The following PALS1 variants were observed in gnomAD, a reference collection of about 807,000 sequenced individuals.
The protein encoded by PALS1 is protein PALS1.
Under a neutral mutation model 78.9 loss-of-function variants are expected in PALS1, and 31 were observed. That is an observed-to-expected ratio of 0.39 (90% confidence interval 0.30 to 0.53). The LOEUF (loss-of-function observed/expected upper bound fraction) is 0.53, where lower values mean the gene tolerates loss of function less well. PALS1 is among the 20% of genes least tolerant of loss of function. The probability of loss-of-function intolerance (pLI) is 0.67; values close to 1 mark genes in which losing one functional copy is unlikely to be tolerated. For missense variants in PALS1, 704 were observed against 826.5 expected (o/e 0.85, Z 1.82); for synonymous variants, 276 against 270.9 (o/e 1.02, Z -0.18).
At chr14:67,309,103 C>G (rs1042008898) in intron 8 of PALS1, among the ~76,000 whole-genome samples, 2 of 152,060 alleles carry the variant, frequency 1.3e-5, no homozygotes, top group African/African-American at 4.8e-5. Context: ...TGTTCAGAAG[C>G]CAAATACTGT....
chr14:67,323,163 C>T (rs1287221102), intron 13 of PALS1, among the ~76,000 whole-genome samples: 1 of 150,024 alleles, frequency 6.7e-6, no homozygotes, highest in Admixed American at 6.7e-5. Context: ...CATAAAAGAG[C>T]AAGCTAAAAT....
intron 2 of PALS1, among the ~76,000 whole-genome samples, chr14:67,275,003 C>T (rs2084477135): frequency 6.6e-6 from 1 of 152,202 alleles, no homozygotes; most frequent in Non-Finnish European, 1.5e-5. Context: ...AGTTGCTTAT[C>T]AGCTTGAGAT....
At chr14:67,275,255 T>A (rs1260860596) in intron 2 of PALS1, among the ~76,000 whole-genome samples, 1 of 152,150 alleles carries the variant, frequency 6.6e-6, no homozygotes, top group Non-Finnish European at 1.5e-5. Flanking sequence ...TGGCTGTGGG[T>A]TTGTCATAAA....
At chr14:67,332,593 GT>G (rs2141070962) in intron 14 of PALS1, among the ~76,000 whole-genome samples, 186 bp from the exon 15 acceptor site, 1 of 152,298 alleles carries the variant, frequency 6.6e-6, no homozygotes, top group South Asian at 2.1e-4. Flanking sequence ...CATAATATGA[GT>G]CGTGAAGATG....
intron 2 of PALS1, among the ~76,000 whole-genome samples, chr14:67,274,733 A>G (rs2084470295): frequency 6.6e-6 from 1 of 152,112 alleles, no homozygotes; most frequent in East Asian, 1.9e-4. Flanking sequence ...TTTTCACGAT[A>G]TTGATTCTTC....
rs916187588 is a variant in PALS1, at chr14:67,312,511, C to T, written c.1042-16C>T. On this transcript the variant is annotated splice_polypyrimidine_tract_variant and intron_variant, in intron 8 of 14. Coordinates refer to ENST00000261681, the MANE Select transcript of PALS1 (RefSeq NM_022474.4). ...TATTGCCATTTATTGTTGTTTTTGCCCTTTTTATCTTTTAGATCCATGTAA... is the reference window on the plus strand; with the variant it reads ...TATTGCCATTTATTGTTGTTTTTGCTCTTTTTATCTTTTAGATCCATGTAA... 3.4e-6 allele frequency: 5 copies of T among 1,492,058 alleles called. No individual in the cohort carries two copies. Among genetic ancestry groups the T allele is most frequent in the South Asian group, 3.0e-5 (2 of 67,266 alleles). The allele number at this position is 1,492,058 out of a possible 1,614,324, so 92.4% of individuals were successfully genotyped here. A position where few individuals can be genotyped will look rare whatever the true frequency, so the allele number is the denominator to read the frequency against.
chr14:67,280,609 A>G (rs918628432), intron 3 of PALS1, among the ~76,000 whole-genome samples: 1 of 152,182 alleles, frequency 6.6e-6, no homozygotes, highest in African/African-American at 2.4e-5. Context: ...AATTTGCCAG[A>G]TCAGGTGTTG....
intron 11 of PALS1, among the ~76,000 whole-genome samples, chr14:67,319,746 T>C (rs1193066848): frequency 6.6e-6 from 1 of 152,214 alleles, no homozygotes; most frequent in African/African-American, 2.4e-5. Context: ...GCTTGAACTA[T>C]AGGAAAGTAT....
intron 9 of PALS1, among the ~76,000 whole-genome samples, chr14:67,314,060 T>C (rs761535837): frequency 4.6e-5 from 7 of 152,180 alleles, no homozygotes; most frequent in Admixed American, 1.3e-4. Context: ...TCTGGCCTTA[T>C]CTTTTATCTA....
chr14:67,243,344 C>T (rs1226057987), intron 1 of PALS1, among the ~76,000 whole-genome samples: 1 of 151,898 alleles, frequency 6.6e-6, no homozygotes, highest in East Asian at 1.9e-4. Flanking sequence ...CTCGCCACCA[C>T]ACCTGGCTAA....
intron 3 of PALS1, among the ~76,000 whole-genome samples, chr14:67,286,780 C>T (rs995591269): frequency 3.4e-5 from 5 of 145,796 alleles, no homozygotes; most frequent in East Asian, 2.1e-4. Context: ...TCGCTGGAAC[C>T]TGAGAAGTTG....
intron 1 of PALS1, among the ~76,000 whole-genome samples, chr14:67,250,197 TC>T (rs2084046263): frequency 6.6e-6 from 1 of 152,184 alleles, no homozygotes; most frequent in Non-Finnish European, 1.5e-5. Context: ...CACCCACTCT[TC>T]CTTCCTCCAG....
intron 1 of PALS1, among the ~76,000 whole-genome samples, chr14:67,242,549 C>G (rs1379350832): frequency 5.3e-5 from 8 of 151,884 alleles, no homozygotes; most frequent in Non-Finnish European, 1.2e-4. Context: ...GAACAAATGA[C>G]GTGTTGGTTA....
intron 2 of PALS1, among the ~76,000 whole-genome samples, chr14:67,274,342 C>G (rs533761635): frequency 3.2e-4 from 48 of 152,114 alleles, no homozygotes; most frequent in Admixed American, 1.5e-3. Context: ...TCTACATATG[C>G]CTAGCCAGTT....
At chr14:67,257,421 T>C (rs1368113128) in intron 1 of PALS1, among the ~76,000 whole-genome samples, 1 of 152,184 alleles carries the variant, frequency 6.6e-6, no homozygotes, top group East Asian at 1.9e-4. Flanking sequence ...TTGTCTGACA[T>C]AGTTCCCAGC....
At chr14:67,318,642 GTCA>G (rs1214518868) in intron 11 of PALS1, among the ~76,000 whole-genome samples, 2 of 138,184 alleles carry the variant, frequency 1.4e-5, no homozygotes, top group East Asian at 2.0e-4. Context: ...TTATGATGAT[GTCA>G]TCATCATGAA....
Position 67,333,660 on chromosome 14 carries a change from T to C in PALS1, c.*704T>C, listed in dbSNP as rs1274478903. On this transcript the variant is annotated 3_prime_UTR_variant, in exon 15 of 15. Transcript: ENST00000261681. The stretch of plus-strand genomic sequence containing the variant: ...AATCTACTTAAAGGTATACAAAATA[T>C]GCTGATCTTTTTTAAATTATGATTT... The C allele has an allele frequency of 6.6e-6, 1 of 152,638 alleles. No homozygotes were observed. The highest frequency in any genetic ancestry group is 2.4e-5 in the African/African-American group (1 of 41,458). 9.5% of individuals were successfully genotyped at this position (152,638 alleles called of 1,614,324 possible).
intron 3 of PALS1, among the ~76,000 whole-genome samples, chr14:67,284,569 A>ACG (rs1352778047): frequency 4.9e-5 from 7 of 142,460 alleles, no homozygotes; most frequent in Admixed American, 3.5e-4. Flanking sequence ...AAAAAAAAAA[A>ACG]AAAAAAAAAA....
intron 11 of PALS1, among the ~76,000 whole-genome samples, chr14:67,318,833 G>A (rs1234632388): frequency 3.9e-5 from 6 of 152,012 alleles, no homozygotes; most frequent in African/African-American, 9.7e-5. Flanking sequence ...CGAGGCAGGC[G>A]GATCACGAGG....
Sources: allele counts gnomAD v4.1 joint callset (sites outside exome capture counted in the v4.1 genomes callset), GRCh38; gene constraint gnomAD v4.1.1; transcripts MANE v1.5; gene names NCBI Gene and HGNC (gene_info 2026-07-23, HGNC 2026-07-21).